FOXP1: variants seen among roughly 807,000 people sequenced by gnomAD.
The protein encoded by FOXP1 is forkhead box protein P1.
A neutral mutation model predicts 98.2 loss-of-function variants in FOXP1; 15 were observed. The observed-to-expected ratio is 0.15, with a 90% CI of 0.10 to 0.24. FOXP1 has a LOEUF of 0.24. FOXP1 is among the 10% of genes least tolerant of loss of function. The pLI is 1.00. For synonymous variants in FOXP1, 371 were observed against 314.5 expected, an observed-to-expected ratio of 1.18 and a Z score of -1.90; for missense variants, 633 against 848.5, an observed-to-expected ratio of 0.75 and a Z score of 3.15.
chr3:71,158,083 A>AGAAGGAAGGAAGGAAG (rs1238796330), intron 6 of FOXP1, among the ~76,000 whole-genome samples: 105 of 42,078 alleles, frequency 2.5e-3, no homozygotes, highest in Non-Finnish European at 3.1e-3. Flanking sequence ...GTAAGACGAA[A>AGAAGGAAGGAAGGAAG]GAAGGAAGGA....
chr3:71,295,517 A>G (rs563881880), intron 5 of FOXP1, among the ~76,000 whole-genome samples: 21 of 152,210 alleles, frequency 1.4e-4, no homozygotes, highest in African/African-American at 4.6e-4. Flanking sequence ...GCAATGATTC[A>G]ACTTCCTTTT....
At chr3:71,301,973 A>G (rs1278131450) in intron 4 of FOXP1, among the ~76,000 whole-genome samples, 2 of 152,218 alleles carry the variant, frequency 1.3e-5, no homozygotes, top group African/African-American at 4.8e-5. Flanking sequence ...CCAATTTATA[A>G]ATACTAAAAC....
intron 3 of FOXP1, among the ~76,000 whole-genome samples, chr3:71,379,590 G>A (rs978956900): frequency 8.2e-6 from 1 of 122,618 alleles, no homozygotes; most frequent in Non-Finnish European, 1.9e-5. Flanking sequence ...TGAATTGTAT[G>A]TTTTTAAATG....
intron 2 of FOXP1, among the ~76,000 whole-genome samples, chr3:71,532,711 T>G (rs1415745096): frequency 6.6e-6 from 1 of 152,096 alleles, no homozygotes; most frequent in African/African-American, 2.4e-5. Flanking sequence ...TTTTACTAAA[T>G]TTGGCAGGAA....
At chr3:71,441,115 G>A (rs2065114238) in intron 3 of FOXP1, among the ~76,000 whole-genome samples, 1 of 152,196 alleles carries the variant, frequency 6.6e-6, no homozygotes, top group Non-Finnish European at 1.5e-5. Flanking sequence ...GTGAAATTTT[G>A]TTCCATATTT....
intron 6 of FOXP1, among the ~76,000 whole-genome samples, chr3:71,126,955 T>G (rs2059250860): frequency 6.6e-6 from 1 of 151,848 alleles, no homozygotes; most frequent in Non-Finnish European, 1.5e-5. Context: ...AATCATTTTG[T>G]ATGGTCTTTT....
At chr3:70,973,378 A>G (rs1190311939) in intron 17 of FOXP1, among the ~76,000 whole-genome samples, 2 of 152,228 alleles carry the variant, frequency 1.3e-5, no homozygotes, top group African/African-American at 2.4e-5. Context: ...GGAACTCTCA[A>G]TGGCAAAATG....
At chr3:71,222,155 A>AAAAC (rs1011910221) in intron 5 of FOXP1, among the ~76,000 whole-genome samples, 57 of 152,184 alleles carry the variant, frequency 3.7e-4, no homozygotes, top group Admixed American at 1.0e-3. Flanking sequence ...CCGTATCAAA[A>AAAAC]AAACAAACAA....
At chr3:71,251,466 G>A (rs570285485) in intron 5 of FOXP1, among the ~76,000 whole-genome samples, 1 of 152,260 alleles carries the variant, frequency 6.6e-6, no homozygotes, top group South Asian at 2.1e-4. Flanking sequence ...TGTAAAACCA[G>A]CCATACAACG....
chr3:71,139,389 T>C (rs2059962287), intron 6 of FOXP1, among the ~76,000 whole-genome samples: 2 of 152,094 alleles, frequency 1.3e-5, no homozygotes, highest in African/African-American at 4.8e-5. Context: ...ATAGAAATGA[T>C]AACCACAGTA....
intron 5 of FOXP1, among the ~76,000 whole-genome samples, chr3:71,258,134 G>C (rs540666919): frequency 6.6e-6 from 1 of 152,230 alleles, no homozygotes; most frequent in Non-Finnish European, 1.5e-5. Flanking sequence ...TGTGGCTTTC[G>C]AATCTGAAAA....
intron 13 of FOXP1, among the ~76,000 whole-genome samples, chr3:70,995,450 T>C (rs1165242408): frequency 6.6e-6 from 1 of 152,194 alleles, no homozygotes; most frequent in Non-Finnish European, 1.5e-5. Flanking sequence ...CTAACTCATC[T>C]CATCTGTACA....
At chr3:70,970,950 C>A (rs1233717192) in intron 18 of FOXP1, 145 bp from the exon 19 acceptor site, 2 of 699,852 alleles carry the variant, frequency 2.9e-6, no homozygotes, top group East Asian at 5.4e-5. Context: ...GGCTTTCTCC[C>A]CGTCACTGAT....
intron 4 of FOXP1, among the ~76,000 whole-genome samples, chr3:71,312,790 A>C (rs1321678544): frequency 1.3e-5 from 2 of 151,888 alleles, no homozygotes; most frequent in Non-Finnish European, 2.9e-5. Flanking sequence ...GTTCGAGGCC[A>C]GCCTGGCCAA....
intron 6 of FOXP1, among the ~76,000 whole-genome samples, chr3:71,113,712 C>CAAAAT (rs4055929): frequency 0.016 from 1,681 of 102,390 alleles, 38 homozygotes; most frequent in East Asian, 0.035. Context: ...GCTTCCATCT[C>CAAAAT]AAAATAAAAT....
At chr3:71,381,860 G>C (rs1301673573) in intron 3 of FOXP1, among the ~76,000 whole-genome samples, 2 of 152,118 alleles carry the variant, frequency 1.3e-5, no homozygotes, top group African/African-American at 4.8e-5. Context: ...AATTCATAGG[G>C]AACATCTACC....
At chr3:71,527,413 T>TC in intron 2 of FOXP1, among the ~76,000 whole-genome samples, 1 of 152,166 alleles carries the variant, frequency 6.6e-6, no homozygotes. Flanking sequence ...TGAGATCTGC[T>TC]CCCAAGCTAA....
At chr3:71,047,440 A>G (rs1226729896) in intron 9 of FOXP1, among the ~76,000 whole-genome samples, 1 of 152,232 alleles carries the variant, frequency 6.6e-6, no homozygotes, top group East Asian at 1.9e-4. Flanking sequence ...GCATCACTCT[A>G]GTCTGAAGGG....
intron 5 of FOXP1, among the ~76,000 whole-genome samples, chr3:71,267,124 A>AGAGAGAGTGTGTGTGTGTGTGTGT (rs142661368): frequency 6.7e-6 from 1 of 148,298 alleles, no homozygotes. Context: ...TATGGGAGAG[A>AGAGAGAGTGTGTGTGTGTGTGTGT]GTGTGTGTGT....
Sources: allele counts gnomAD v4.1 joint callset (sites outside exome capture counted in the v4.1 genomes callset), GRCh38; gene constraint gnomAD v4.1.1; transcripts MANE v1.5; gene names NCBI Gene and HGNC (gene_info 2026-07-23, HGNC 2026-07-21).